RAB3IL1: variants seen among roughly 807,000 people sequenced by gnomAD.
The protein encoded by RAB3IL1 is RAB3A interacting protein like 1.
RAB3IL1 carries 37 observed loss-of-function variants against 49.2 expected under a neutral mutation model. That is an observed-to-expected ratio of 0.75 (90% CI 0.58 to 0.99). RAB3IL1 has a LOEUF of 0.99. RAB3IL1 is among the 50% of genes least tolerant of loss of function. RAB3IL1 has a pLI of 0.00. For synonymous variants in RAB3IL1, 193 were observed against 213.9 expected (o/e 0.90, Z 0.85); for missense variants, 484 against 513.0 (o/e 0.94, Z 0.55).
upstream of RAB3IL1, among the ~76,000 whole-genome samples, chr11:61,923,262 CTG>C (rs1175595437): frequency 6.6e-6 from 1 of 152,352 alleles, no homozygotes; most frequent in African/African-American, 2.4e-5. Flanking sequence ...GATGAGGAAA[CTG>C]AGGCTCAGAG....
At chr11:61,905,607 G>C (rs967494024) in intron 5 of RAB3IL1, among the ~76,000 whole-genome samples, 1 of 152,056 alleles carries the variant, frequency 6.6e-6, no homozygotes, top group African/African-American at 2.4e-5. Context: ...ACAGGAGGAA[G>C]GGGAGAAGTT....
At chr11:61,904,117 T>A (rs1231432320) in intron 7 of RAB3IL1, among the ~76,000 whole-genome samples, 3 of 151,812 alleles carry the variant, frequency 2.0e-5, no homozygotes, top group Non-Finnish European at 4.4e-5. Context: ...GCACCAGCCA[T>A]CCCCAGCCAG....
the RAB3IL1 span, among the ~76,000 whole-genome samples, chr11:61,944,790 G>A: frequency 1.3e-5 from 2 of 152,100 alleles, no homozygotes; most frequent in African/African-American, 2.4e-5. Flanking sequence ...TCTGTCTCCC[G>A]GGTTCAAGTG....
At chr11:61,936,325 A>G in the RAB3IL1 span, among the ~76,000 whole-genome samples, 1 of 152,260 alleles carries the variant, frequency 6.6e-6, no homozygotes, top group Non-Finnish European at 1.5e-5. Context: ...CCCAAGTAGG[A>G]TAAACACAAA....
At chr11:61,925,033 G>A (rs74795375), upstream of RAB3IL1, among the ~76,000 whole-genome samples, 930 of 152,324 alleles carry the variant, frequency 6.1e-3, 9 homozygotes, top group African/African-American at 0.021. Flanking sequence ...GCAGAATGTG[G>A]GGTGAACTGG....
the RAB3IL1 span, among the ~76,000 whole-genome samples, chr11:61,926,747 G>A: frequency 2.0e-5 from 3 of 151,942 alleles, no homozygotes; most frequent in Non-Finnish European, 2.9e-5. Context: ...AGAGATGGGG[G>A]TTTCACCATG....
At chr11:61,917,659 G>A (rs1217715840), upstream of RAB3IL1, 1 of 753,110 alleles carries the variant, frequency 1.3e-6, no homozygotes, top group Non-Finnish European at 1.6e-6. Context: ...CCAAGGCCTG[G>A]CCCCACCCGG....
intron 6 of RAB3IL1, 32 bp from the exon 7 acceptor site, chr11:61,904,690 T>TA (rs1270202276): frequency 6.3e-7 from 1 of 1,596,450 alleles, no homozygotes; most frequent in Non-Finnish European, 8.5e-7. Context: ...GGCAGGGTGG[T>TA]AAGGGGCTGG....
chr11:61,902,642 G>A, intron 7 of RAB3IL1, 101 bp from the exon 8 acceptor site: 2 of 1,094,906 alleles, frequency 1.8e-6, no homozygotes, highest in Non-Finnish European at 1.3e-6. Flanking sequence ...GATGCATGGG[G>A]AGGGGCAGGC....
chr11:61,923,488 C>T (rs1404623786), upstream of RAB3IL1, among the ~76,000 whole-genome samples: 1 of 152,236 alleles, frequency 6.6e-6, no homozygotes, highest in African/African-American at 2.4e-5. Flanking sequence ...TCCCAGCTGG[C>T]AGGCTCAAGG....
intron 2 of RAB3IL1, 34 bp from the exon 3 acceptor site, chr11:61,907,694 A>G (rs1254774506): frequency 6.3e-7 from 1 of 1,599,234 alleles, no homozygotes; most frequent in Admixed American, 1.7e-5. Context: ...TGAGCACCTC[A>G]GCATCCCCAG....
chr11:61,934,446 G>GTGTGTGTGTATATATATA, the RAB3IL1 span, among the ~76,000 whole-genome samples: 5 of 24,402 alleles, frequency 2.0e-4, no homozygotes, highest in Admixed American at 5.8e-4. Context: ...GTGTGTGTGT[G>GTGTGTGTGTATATATATA]TATGTATATA....
At chr11:61,929,105 G>A in the RAB3IL1 span, among the ~76,000 whole-genome samples, 1 of 152,188 alleles carries the variant, frequency 6.6e-6, no homozygotes, top group African/African-American at 2.4e-5. Context: ...AATGTATAAT[G>A]ATCAAATCTG....
Position 61,906,584 on chromosome 11 carries a change from G to T in RAB3IL1, c.539C>A (p.Pro180His). The T allele has an allele frequency of 6.2e-7, 1 of 1,608,122 alleles. No individual in the cohort carries two copies. Among genetic ancestry groups the T allele is most frequent in the Non-Finnish European group, 8.5e-7 (1 of 1,177,672 alleles). Reference protein sequence around the residue: ...NRELHPQLLSPTKAGPRKGHS... With the variant: ...NRELHPQLLSHTKAGPRKGHS... ...GCCCTTTCGGGGCCCGGCCTTGGTG[G>T]GGCTCAGCAGCTGGGGGTGAAGCTC... is the stretch of plus-strand genomic sequence containing the variant. The change falls in exon 5 of 10, where the codon CCC becomes CAC. Residue 180 changes from proline to histidine, a missense_variant. Transcript: ENST00000394836. The surrounding 1 kb of genome is among the most constrained non-coding windows in gnomAD (Gnocchi z 4.6).
intron 7 of RAB3IL1, among the ~76,000 whole-genome samples, chr11:61,902,963 C>A (rs1397136538): frequency 6.6e-6 from 1 of 152,074 alleles, no homozygotes; most frequent in Non-Finnish European, 1.5e-5. Flanking sequence ...CTGCTTCATC[C>A]ATGCAGGCCT....
intron 8 of RAB3IL1, 65 bp from the exon 9 acceptor site, chr11:61,899,445 A>T (rs1938791630): frequency 1.3e-6 from 2 of 1,510,444 alleles, no homozygotes; most frequent in African/African-American, 2.7e-5. Flanking sequence ...TGACAGGCGG[A>T]TCTGAGTCCA....
rs573375983 is a variant in RAB3IL1, at chr11:61,911,446, G to C, written c.12-3140C>G. Among the ~76,000 whole-genome samples the C allele has an allele frequency of 2.0e-5, 3 of 152,232 alleles. No individual in the cohort carries two copies. In the South Asian group the frequency reaches 6.2e-4, roughly 32 times the overall value. ...TCAAAGAAGGGACCCTGGGCTCCTC[G>C]GGTCCAGCCCAAGCCAGAATCTCCA... On this transcript the variant is annotated intron_variant, in intron 1 of 9. Coordinates refer to ENST00000394836, the MANE Select transcript of RAB3IL1 (RefSeq NM_013401.4).
chr11:61,930,788 A>G, the RAB3IL1 span, among the ~76,000 whole-genome samples: 7 of 152,218 alleles, frequency 4.6e-5, no homozygotes, highest in Non-Finnish European at 7.3e-5. Flanking sequence ...AAAAGACCAA[A>G]TTAATAACAA....
chr11:61,899,245 A>G, intron 9 of RAB3IL1, 69 bp downstream of exon 9: 1 of 1,509,302 alleles, frequency 6.6e-7, no homozygotes, highest in Non-Finnish European at 9.0e-7. Flanking sequence ...AGGTGGGCCC[A>G]GAGGGCACTT....
Sources: gnomAD v4.1 joint callset for allele counts (sites outside exome capture counted in the v4.1 genomes callset) on GRCh38, gnomAD v4.1.1 for gene constraint, Gnocchi (gnomAD v3.1) non-coding constraint, MANE v1.5 for transcripts, NCBI Gene and HGNC (gene_info 2026-07-23, HGNC 2026-07-21) for gene names.